MAP3K5: variants seen among roughly 807,000 people sequenced by gnomAD.
MAP3K5 encodes ASK-1.
Under a neutral mutation model 158.7 loss-of-function variants are expected in MAP3K5, and 56 were observed. The ratio of observed to expected loss-of-function variants is 0.35; its 90% CI spans 0.28 to 0.44. The LOEUF (loss-of-function observed/expected upper bound fraction) is 0.44. Ranked by LOEUF, MAP3K5 falls within the 20% of genes least tolerant of loss-of-function variation. MAP3K5 has a pLI of 1.00. For missense variants in MAP3K5, 1,294 were observed against 1,674.8 expected, an observed-to-expected ratio of 0.77 and a Z score of 3.97; for synonymous variants, 579 against 601.7, an observed-to-expected ratio of 0.96 and a Z score of 0.55.
intron 24 of MAP3K5, among the ~76,000 whole-genome samples, chr6:136,581,786 A>G (rs1225706887): frequency 6.6e-6 from 1 of 152,214 alleles, no homozygotes; most frequent in Non-Finnish European, 1.5e-5. Flanking sequence ...ATTTCTTTAA[A>G]AAATTTACAT....
intron 9 of MAP3K5, 83 bp downstream of exon 9, chr6:136,659,135 CT>C: frequency 8.4e-7 from 1 of 1,184,440 alleles, no homozygotes; most frequent in Admixed American, 2.3e-5. Context: ...ATAAAATCAT[CT>C]AATTGTCAGT....
chr6:136,724,329 A>G (rs902964756), intron 1 of MAP3K5, among the ~76,000 whole-genome samples: 2 of 151,204 alleles, frequency 1.3e-5, no homozygotes, highest in East Asian at 3.9e-4. Flanking sequence ...GCTCACTGCA[A>G]CCTCCACCAC....
chr6:136,648,661 T>C (rs1181453353), intron 11 of MAP3K5, among the ~76,000 whole-genome samples: 1 of 152,242 alleles, frequency 6.6e-6, no homozygotes, highest in Non-Finnish European at 1.5e-5. Context: ...GGGTGCTGCT[T>C]AGTATCTATT....
At chr6:136,707,406 C>T (rs1348114273) in intron 2 of MAP3K5, among the ~76,000 whole-genome samples, 2 of 152,182 alleles carry the variant, frequency 1.3e-5, no homozygotes, top group Non-Finnish European at 2.9e-5. Context: ...AGGACAGACA[C>T]GACCTCCAAA....
chr6:136,787,498 A>T (rs1784899714), intron 1 of MAP3K5, among the ~76,000 whole-genome samples: 1 of 152,232 alleles, frequency 6.6e-6, no homozygotes, highest in African/African-American at 2.4e-5. Flanking sequence ...GATACCAATT[A>T]TTCCAACACT....
At chr6:136,605,044 A>AC (rs1776044058) in intron 19 of MAP3K5, among the ~76,000 whole-genome samples, 165 bp downstream of exon 19, 1 of 152,206 alleles carries the variant, frequency 6.6e-6, no homozygotes, top group African/African-American at 2.4e-5. Context: ...TGTGTGAGGC[A>AC]CCAGCGCTGG....
At chr6:136,576,201 G>T (rs1444375333) in intron 25 of MAP3K5, among the ~76,000 whole-genome samples, 1 of 151,960 alleles carries the variant, frequency 6.6e-6, no homozygotes, top group Non-Finnish European at 1.5e-5. Context: ...TGTTCAGATT[G>T]TTCTGGCTTG....
intron 1 of MAP3K5, among the ~76,000 whole-genome samples, chr6:136,774,172 A>C (rs1206277461): frequency 6.6e-6 from 1 of 152,072 alleles, no homozygotes; most frequent in Non-Finnish European, 1.5e-5. Context: ...CCTCCTCCAC[A>C]CTTCCTTCTC....
At chr6:136,785,028 T>A (rs1373276874) in intron 1 of MAP3K5, among the ~76,000 whole-genome samples, 1 of 152,204 alleles carries the variant, frequency 6.6e-6, no homozygotes, top group African/African-American at 2.4e-5. Flanking sequence ...AACCACTATT[T>A]AGGACATACA....
intron 1 of MAP3K5, among the ~76,000 whole-genome samples, chr6:136,770,294 T>C (rs940275908): frequency 1.3e-5 from 2 of 152,112 alleles, no homozygotes; most frequent in Non-Finnish European, 2.9e-5. Flanking sequence ...AGTGCACTGT[T>C]TATAATAGCA....
intron 26 of MAP3K5, among the ~76,000 whole-genome samples, chr6:136,567,361 A>G (rs1266689764): frequency 6.6e-6 from 1 of 152,208 alleles, no homozygotes; most frequent in Non-Finnish European, 1.5e-5. Context: ...TAGACAGTCT[A>G]TGAGGCTACA....
At chr6:136,629,708 T>C (rs1479816611) in intron 14 of MAP3K5, among the ~76,000 whole-genome samples, 3 of 151,862 alleles carry the variant, frequency 2.0e-5, no homozygotes, top group East Asian at 3.9e-4. Context: ...CCCGCCTTGG[T>C]CTCCCAAAGT....
chr6:136,792,108 G>A lies in MAP3K5; in HGVS notation c.50C>T (p.Ala17Val). ...EGITFSVPPFAPSGFCTIPEG... is the reference protein window; with the variant it reads ...EGITFSVPPFVPSGFCTIPEG... ...GGGGATGGTGCAGAAGCCCGAGGGG[G>A]CGAAGGGTGGCACAGAGAAAGTGAT... The change falls in exon 1 of 30, where the codon GCC becomes GTC. Residue 17 changes from alanine to valine, a missense_variant. Ala to Val is a moderately conservative substitution (Grantham distance 64). Coordinates refer to ENST00000359015, the MANE Select transcript of MAP3K5 (RefSeq NM_005923.4). The surrounding 1 kb of genome is among the most constrained non-coding windows in gnomAD (Gnocchi z 5.7). 4.4e-6 allele frequency: 7 copies of A among 1,586,588 alleles called. No individual in the cohort carries two copies. The highest frequency in any genetic ancestry group is 6.0e-6 in the Non-Finnish European group (7 of 1,169,424).
At chr6:136,674,159 C>G (rs1779604356) in intron 7 of MAP3K5, among the ~76,000 whole-genome samples, 1 of 151,118 alleles carries the variant, frequency 6.6e-6, no homozygotes, top group Non-Finnish European at 1.5e-5. Flanking sequence ...TATTTTCAGA[C>G]AAAAACTGGG....
In MAP3K5 at chr6:136,665,161, T is replaced by G. The variant is rs536620926; in HGVS notation, c.1366+4122A>C. 5.9e-5 allele frequency among the ~76,000 whole-genome samples: 9 copies of G among 152,354 alleles called. No homozygotes were observed. In the South Asian group the frequency reaches 1.9e-3, roughly 32 times the overall value. ...AAAAGGGGTAAAATGTAAATTTTTT[T>G]TAAATAAGCATTTCAATTTAATACT... On this transcript the variant is annotated intron_variant, in intron 8 of 29. Transcript: ENST00000359015.
chr6:136,738,287 C>T (rs984258183), intron 1 of MAP3K5, among the ~76,000 whole-genome samples: 7 of 152,122 alleles, frequency 4.6e-5, no homozygotes, highest in African/African-American at 1.2e-4. Context: ...TTCCCTGGTC[C>T]AAGGGGAGTT....
chr6:136,738,812 G>A (rs11154883), intron 1 of MAP3K5, among the ~76,000 whole-genome samples: 54,882 of 151,660 alleles, frequency 0.36, 11,820 homozygotes, highest in Middle Eastern at 0.49. Flanking sequence ...CTGTAGCCAC[G>A]TCAGCTCCAA....
chr6:136,720,330 T>C (rs1781697030), intron 2 of MAP3K5, 120 bp downstream of exon 2: 1 of 945,352 alleles, frequency 1.1e-6, no homozygotes, highest in East Asian at 2.8e-5. Context: ...AATTGATGCA[T>C]ACTAACCAAA....
chr6:136,652,230 G>A lies in MAP3K5; in HGVS notation c.1681-1139C>T, dbSNP rs546802776. On this transcript the variant is annotated intron_variant, in intron 10 of 29. Transcript: ENST00000359015. ...TTTACTCTCAACTTACCTTAACAGC[G>A]CATTTACTTAAGGTACAGGGAACTA... 4.6e-5 allele frequency among the ~76,000 whole-genome samples: 7 copies of A among 152,166 alleles called. No homozygotes were observed. In the South Asian group the frequency reaches 8.3e-4, roughly 18 times the overall value.
Sources: allele counts gnomAD v4.1 joint callset (sites outside exome capture counted in the v4.1 genomes callset), GRCh38; gene constraint gnomAD v4.1.1; non-coding constraint Gnocchi (gnomAD v3.1); transcripts MANE v1.5; gene names NCBI Gene and HGNC (gene_info 2026-07-23, HGNC 2026-07-21).